The following GRIK4 variants were observed in gnomAD, a reference collection of about 807,000 sequenced individuals.
The protein encoded by GRIK4 is glutamate ionotropic receptor kainate type subunit 4, also known as glutamate receptor ionotropic, kainate 4.
In GRIK4, 40 loss-of-function variants were observed where a neutral mutation model predicts 104.9. The ratio of observed to expected loss-of-function variants is 0.38; its 90% confidence interval spans 0.30 to 0.50. GRIK4 has a LOEUF of 0.50. GRIK4 is among the 20% of genes least tolerant of loss of function. GRIK4 has a pLI of 0.93. For missense variants in GRIK4, 1,047 were observed against 1,308.1 expected, an observed-to-expected ratio of 0.80 and a Z score of 3.08; for synonymous variants, 485 against 524.9, an observed-to-expected ratio of 0.92 and a Z score of 1.04.
chr11:120,519,175 A>G (rs1947765986), intron 1 of GRIK4, among the ~76,000 whole-genome samples: 2 of 152,230 alleles, frequency 1.3e-5, no homozygotes, highest in African/African-American at 4.8e-5. Context: ...GACAATAATA[A>G]TAGCTAATAA....
At chr11:120,932,759 C>G (rs1943508478) in intron 13 of GRIK4, among the ~76,000 whole-genome samples, 1 of 152,092 alleles carries the variant, frequency 6.6e-6, no homozygotes, top group African/African-American at 2.4e-5. Flanking sequence ...ACTCTGCAGC[C>G]CCAGCAGCAG....
chr11:120,666,223 G>C (rs1949912102), intron 3 of GRIK4, among the ~76,000 whole-genome samples: 1 of 152,228 alleles, frequency 6.6e-6, no homozygotes, highest in African/African-American at 2.4e-5. Context: ...AGGTTGAAGT[G>C]AGCACATCTT....
intron 9 of GRIK4, among the ~76,000 whole-genome samples, chr11:120,863,985 C>T (rs1954327405): frequency 6.6e-6 from 1 of 152,042 alleles, no homozygotes; most frequent in African/African-American, 2.4e-5. Context: ...CCCATCCCAA[C>T]AAGATATTTT....
rs1209368780 is a variant in GRIK4, at chr11:120,905,335, G to A, written c.1318G>A (p.Gly440Ser). 6.2e-7 allele frequency: 1 copy of A among 1,614,012 alleles called. No individual in the cohort carries two copies. The highest frequency in any genetic ancestry group is 8.5e-7 in the Non-Finnish European group (1 of 1,179,944). ...MLKGNHQEME[G>S]NDRYEGFCVD... ...GAAGGGGAACCACCAGGAGATGGAA[G>A]GCAATGACCGCTACGAGGGCTTCTG... is the stretch of plus-strand genomic sequence containing the variant. Residue 440 changes from glycine (G) to serine (S), a missense_variant, in exon 13 of 21, where the codon GGC becomes AGC. Gly to Ser is a moderately conservative substitution (Grantham distance 56, BLOSUM62 0). Around this residue, in one of 3 missense-constraint regions of GRIK4, gnomAD observed 440 missense variants for 652.3 expected, o/e 0.67. Transcript: ENST00000527524. The surrounding 1 kb of genome is among the most constrained non-coding windows in gnomAD (Gnocchi z 5.1).
intron 1 of GRIK4, among the ~76,000 whole-genome samples, chr11:120,598,217 A>G (rs1364573555): frequency 1.3e-5 from 2 of 152,200 alleles, no homozygotes; most frequent in Admixed American, 6.5e-5. Flanking sequence ...CTTGCTGTGC[A>G]TCCGACTTTT....
intron 1 of GRIK4, among the ~76,000 whole-genome samples, chr11:120,621,051 G>A (rs1246290077): frequency 6.6e-6 from 1 of 152,158 alleles, no homozygotes; most frequent in Non-Finnish European, 1.5e-5. Flanking sequence ...TAATCTTCGG[G>A]GATGGGTGGT....
intron 3 of GRIK4, among the ~76,000 whole-genome samples, chr11:120,742,345 CAAAAAA>C (rs755002657): frequency 1.3e-5 from 1 of 74,138 alleles, no homozygotes; most frequent in Admixed American, 1.6e-4. Flanking sequence ...GACTCCGTTT[CAAAAAA>C]AAAAAAAAAA....
intron 1 of GRIK4, among the ~76,000 whole-genome samples, chr11:120,652,097 G>A (rs185328187): frequency 2.6e-5 from 4 of 152,296 alleles, no homozygotes; most frequent in Non-Finnish European, 5.9e-5. Context: ...TGCACGTGGG[G>A]AGGATGGCAG....
chr11:120,787,560 G>T lies in GRIK4; in HGVS notation c.83-15133G>T, dbSNP rs535668182. 4.0e-5 allele frequency among the ~76,000 whole-genome samples: 6 copies of T among 151,238 alleles called. No individual in the cohort carries two copies. In the South Asian group the frequency reaches 1.3e-3, roughly 32 times the overall value. ...GCTCGCTGCAACCTCTGCCTCCTGG[G>T]TTCAAGTGATTCTCCTGCCTCAGCC... On this transcript the variant is annotated intron_variant, in intron 3 of 20. Transcript: ENST00000527524.
At chr11:120,655,405 G>T (rs1949691357) in intron 2 of GRIK4, among the ~76,000 whole-genome samples, 1 of 152,244 alleles carries the variant, frequency 6.6e-6, no homozygotes, top group African/African-American at 2.4e-5. Flanking sequence ...AGGGTACAGG[G>T]TAGGGACAGG....
At chr11:120,897,022 A>G (rs982057502) in intron 11 of GRIK4, among the ~76,000 whole-genome samples, 1 of 152,182 alleles carries the variant, frequency 6.6e-6, no homozygotes, top group Non-Finnish European at 1.5e-5. Flanking sequence ...TGTATGTATA[A>G]AAAGAGTTCT....
chr11:120,600,341 CT>C (rs1341528482), intron 1 of GRIK4, among the ~76,000 whole-genome samples: 1 of 152,078 alleles, frequency 6.6e-6, no homozygotes, highest in Non-Finnish European at 1.5e-5. Flanking sequence ...TTTTTCCCCC[CT>C]CTGTCTTAAA....
chr11:120,738,158 T>C (rs899885059), intron 3 of GRIK4, among the ~76,000 whole-genome samples: 4 of 152,184 alleles, frequency 2.6e-5, no homozygotes, highest in African/African-American at 9.7e-5. Flanking sequence ...GAATGAGATA[T>C]CAGGGAAGCT....
At chr11:120,736,781 T>TCTCTC (rs1555052123) in intron 3 of GRIK4, among the ~76,000 whole-genome samples, 3 of 150,474 alleles carry the variant, frequency 2.0e-5, no homozygotes, top group African/African-American at 7.3e-5. Flanking sequence ...TCTCTCTCTC[T>TCTCTC]CCCCTCACCC....
In GRIK4 at chr11:120,586,771, AT is replaced by A. The variant is rs1366858870; in HGVS notation, c.-158-66911del. Among the ~76,000 whole-genome samples, 13 of 152,178 alleles carry A rather than the reference AT, an allele frequency of 8.5e-5. No individual in the cohort carries two copies. In the East Asian group the frequency reaches 2.5e-3, roughly 29 times the overall value. The stretch of plus-strand genomic sequence containing the variant: ...GTATGTTTGTCCCTAGGGATCCCTG[AT>A]TTGATCAAGCCCCAGGGTGCCGAGA... On this transcript the variant is annotated intron_variant, in intron 1 of 20. Coordinates refer to ENST00000527524, the MANE Select transcript of GRIK4 (RefSeq NM_014619.5).
chr11:120,687,330 C>T (rs184942494), intron 3 of GRIK4, among the ~76,000 whole-genome samples: 3 of 152,184 alleles, frequency 2.0e-5, no homozygotes, highest in African/African-American at 7.2e-5. Flanking sequence ...TAATGAACCT[C>T]CAGCGCTTTA....
chr11:120,512,585 C>G (rs2136066616), intron 1 of GRIK4, among the ~76,000 whole-genome samples: 2 of 142,026 alleles, frequency 1.4e-5, no homozygotes, highest in East Asian at 5.0e-4. Context: ...CTAGTTCATC[C>G]GAGTGGGAAG....
intron 3 of GRIK4, among the ~76,000 whole-genome samples, chr11:120,731,182 A>G (rs952777023): frequency 6.6e-6 from 1 of 151,488 alleles, no homozygotes; most frequent in African/African-American, 2.4e-5. Context: ...TCCCTTCAGC[A>G]TGATACTAGC....
rs545336758 is a variant in GRIK4, at chr11:120,608,647, C to T, written c.-158-45038C>T. Among the ~76,000 whole-genome samples, 23 of 152,340 alleles carry T rather than the reference C, an allele frequency of 1.5e-4. 1 individual carries two copies. The highest frequency in any genetic ancestry group is 1.5e-3 in the Admixed American group (23 of 15,306). ...CACAAGAATGATGCCTTTCAAAGCA[C>T]TGTGTAGGTTGTGATGAAGCATATG... On this transcript the variant is annotated intron_variant, in intron 1 of 20. Transcript: ENST00000527524.
Sources: allele counts gnomAD v4.1 joint callset (sites outside exome capture counted in the v4.1 genomes callset), GRCh38; gene constraint gnomAD v4.1.1; regional missense constraint gnomAD v4.1.1; non-coding constraint Gnocchi (gnomAD v3.1); transcripts MANE v1.5; gene names NCBI Gene and HGNC (gene_info 2026-07-23, HGNC 2026-07-21).